KLHL1: variants seen among roughly 807,000 people sequenced by gnomAD.
KLHL1 encodes the protein kelch-like protein 1.
KLHL1 carries 47 observed loss-of-function variants against 77.7 expected under a neutral mutation model. The ratio of observed to expected loss-of-function variants is 0.60; its 90% CI spans 0.48 to 0.77. KLHL1 has a LOEUF of 0.77. Among genes scored for constraint, KLHL1 ranks in the 30% least tolerant of loss-of-function variants. The probability of loss-of-function intolerance (pLI) is 0.00; values close to 1 mark genes in which losing one functional copy is unlikely to be tolerated. For synonymous variants in KLHL1, 360 were observed against 325.2 expected (o/e 1.11, Z -1.15); for missense variants, 925 against 910.8 (o/e 1.02, Z -0.20).
intron 5 of KLHL1, among the ~76,000 whole-genome samples, chr13:69,850,131 A>C (rs1879627661): frequency 6.6e-6 from 1 of 151,464 alleles, no homozygotes; most frequent in Non-Finnish European, 1.5e-5. Context: ...TTTGACCCTT[A>C]ACTAGGAAAC....
chr13:69,820,333 TTTACTAC>T (rs1878284040), intron 6 of KLHL1, among the ~76,000 whole-genome samples: 2 of 152,058 alleles, frequency 1.3e-5, no homozygotes, highest in African/African-American at 4.8e-5. Context: ...AAGCAGAAAT[TTTACTAC>T]TAACTCTTCA....
intron 8 of KLHL1, 64 bp from the exon 9 acceptor site, chr13:69,719,645 G>T (rs889084865): frequency 3.2e-5 from 41 of 1,301,574 alleles, no homozygotes; most frequent in Middle Eastern, 2.2e-4. Flanking sequence ...TATAGAAAAG[G>T]TCCTTTAAAA....
intron 1 of KLHL1, among the ~76,000 whole-genome samples, chr13:69,996,140 T>C (rs990659400): frequency 6.6e-6 from 1 of 151,844 alleles, no homozygotes; most frequent in Non-Finnish European, 1.5e-5. Flanking sequence ...CTGTCTCTAC[T>C]AAAAATACAA....
At chr13:69,879,920 A>G (rs1231248016) in intron 5 of KLHL1, among the ~76,000 whole-genome samples, 3 of 152,194 alleles carry the variant, frequency 2.0e-5, no homozygotes, top group Admixed American at 2.0e-4. Flanking sequence ...AAATGAGATA[A>G]AATCGTTTGG....
At chr13:69,737,548 T>G (rs963015419) in intron 8 of KLHL1, among the ~76,000 whole-genome samples, 1 of 152,240 alleles carries the variant, frequency 6.6e-6, no homozygotes, top group Non-Finnish European at 1.5e-5. Context: ...TTCCCTCTGC[T>G]GCTGGTGCCA....
chr13:69,812,430 T>TA (rs1877923536), intron 6 of KLHL1, among the ~76,000 whole-genome samples: 1 of 152,140 alleles, frequency 6.6e-6, no homozygotes, highest in Non-Finnish European at 1.5e-5. Context: ...ACTTCATGTC[T>TA]AAAACACCAA....
At chr13:69,943,253 T>A (rs1002473767) in intron 3 of KLHL1, among the ~76,000 whole-genome samples, 3 of 151,994 alleles carry the variant, frequency 2.0e-5, no homozygotes, top group Non-Finnish European at 4.4e-5. Context: ...AATTTTTTTA[T>A]AATTAAAGAA....
At chr13:69,812,203 T>C (rs1295673374) in intron 6 of KLHL1, among the ~76,000 whole-genome samples, 2 of 152,188 alleles carry the variant, frequency 1.3e-5, no homozygotes, top group Non-Finnish European at 2.9e-5. Flanking sequence ...TTCCATGCAA[T>C]TGAGCGGTTC....
intron 1 of KLHL1, among the ~76,000 whole-genome samples, chr13:70,106,112 A>G (rs1490967415): frequency 2.0e-5 from 3 of 151,736 alleles, no homozygotes; most frequent in Non-Finnish European, 3.0e-5. Flanking sequence ...GGTTATACAT[A>G]TATAATTTTA....
rs1879417309 is a variant in KLHL1 at position 69,845,325 on chromosome 13, C to T, written c.1228-6163G>A. Among the ~76,000 whole-genome samples the T allele has an allele frequency of 2.6e-5, 4 of 151,622 alleles. No individual in the cohort carries two copies. The South Asian group carries it at 8.3e-4, about 31-fold the overall frequency. On this transcript the variant is annotated intron_variant, in intron 5 of 10. Coordinates refer to ENST00000377844, the MANE Select transcript of KLHL1 (RefSeq NM_020866.3). ...GGAATTCAACACTGAACACATTTCACCAATAATAGCTACAAATAAATTGCA... is the reference window on the plus strand; with the variant it reads ...GGAATTCAACACTGAACACATTTCATCAATAATAGCTACAAATAAATTGCA...
At chr13:69,950,657 T>C (rs1013932015) in intron 3 of KLHL1, among the ~76,000 whole-genome samples, 3 of 151,716 alleles carry the variant, frequency 2.0e-5, no homozygotes, top group African/African-American at 7.2e-5. Flanking sequence ...GCACCAGACT[T>C]ATCACAGATA....
chr13:69,828,586 G>T (rs911030801), intron 6 of KLHL1, among the ~76,000 whole-genome samples: 1 of 150,096 alleles, frequency 6.7e-6, no homozygotes, highest in African/African-American at 2.5e-5. Context: ...GAACACAGAG[G>T]CTAAAGCAAG....
rs538207507 is a variant in KLHL1 at position 69,817,309 on chromosome 13, T to C, written c.1415-20347A>G. On this transcript the variant is annotated intron_variant, in intron 6 of 10. Coordinates refer to ENST00000377844, the MANE Select transcript of KLHL1 (RefSeq NM_020866.3). ...TTAGGTTCTAGTATTCCTGATTGTA[T>C]GGCAAAAAAAGAAGTCATAAAATGT... Among the ~76,000 whole-genome samples, 9 of 152,286 alleles carry C rather than the reference T, an allele frequency of 5.9e-5. No individual in the cohort carries two copies. In the South Asian group the frequency reaches 1.7e-3, roughly 28 times the overall value.
intron 4 of KLHL1, among the ~76,000 whole-genome samples, chr13:69,903,633 T>TTTC: frequency 1.0e-5 from 1 of 95,602 alleles, no homozygotes; most frequent in South Asian, 4.1e-4. Flanking sequence ...TCACATTCTT[T>TTTC]TTTTTTTTTT....
chr13:70,105,841 T>C (rs996358669), intron 1 of KLHL1, among the ~76,000 whole-genome samples: 3 of 151,044 alleles, frequency 2.0e-5, no homozygotes, highest in Admixed American at 6.6e-5. Flanking sequence ...TAAACTTATA[T>C]TTAGGTCTCC....
chr13:69,915,781 G>T (rs1020249130), intron 4 of KLHL1, among the ~76,000 whole-genome samples: 1 of 151,940 alleles, frequency 6.6e-6, no homozygotes, highest in Non-Finnish European at 1.5e-5. Flanking sequence ...CACAGCAAAA[G>T]AAACTACCAT....
chr13:69,965,889 T>C (rs1196645732), intron 2 of KLHL1, among the ~76,000 whole-genome samples: 1 of 152,138 alleles, frequency 6.6e-6, no homozygotes, highest in Non-Finnish European at 1.5e-5. Flanking sequence ...TTCAATTTCA[T>C]GAAGGCTGAG....
At chr13:69,960,344 A>G (rs1884026753) in intron 3 of KLHL1, among the ~76,000 whole-genome samples, 1 of 152,024 alleles carries the variant, frequency 6.6e-6, no homozygotes, top group South Asian at 2.1e-4. Context: ...TAACTAGGCC[A>G]GAACCTGCCT....
intron 1 of KLHL1, 37 bp downstream of exon 1, chr13:70,107,166 G>T: frequency 6.5e-7 from 1 of 1,543,350 alleles, no homozygotes; most frequent in South Asian, 1.3e-5. Flanking sequence ...AGTGGAAATT[G>T]AGAGATGCTT....
Sources: allele counts gnomAD v4.1 joint callset (sites outside exome capture counted in the v4.1 genomes callset), GRCh38; gene constraint gnomAD v4.1.1; transcripts MANE v1.5; gene names NCBI Gene and HGNC (gene_info 2026-07-23, HGNC 2026-07-21).